RPS6KC1: variants seen among roughly 807,000 people sequenced by gnomAD.
RPS6KC1 encodes inactive ribosomal protein S6 kinase delta-1.
In RPS6KC1, 54 loss-of-function variants were observed where a neutral mutation model predicts 103.8. That is an observed-to-expected ratio of 0.52 (90% CI 0.42 to 0.65). The LOEUF (loss-of-function observed/expected upper bound fraction) is 0.65, where lower values mean the gene tolerates loss of function less well. Ranked by LOEUF, RPS6KC1 falls within the 30% of genes least tolerant of loss-of-function variation. The probability of loss-of-function intolerance (pLI) is 0.00; values close to 1 mark genes in which losing one functional copy is unlikely to be tolerated. For missense variants in RPS6KC1, 1,151 were observed against 1,253.8 expected (o/e 0.92, Z 1.24); for synonymous variants, 439 against 438.7 (o/e 1.00, Z -0.01).
chr1:213,602,120 CTCTTTCTTTCTT>C, the RPS6KC1 span, among the ~76,000 whole-genome samples: 3 of 5,152 alleles, frequency 5.8e-4, no homozygotes, highest in Non-Finnish European at 7.5e-4. Flanking sequence ...TTCTTTCTTT[CTCTTTCTTTCTT>C]TCTTTCTTTC....
the RPS6KC1 span, among the ~76,000 whole-genome samples, chr1:213,609,128 C>T: frequency 6.6e-6 from 1 of 152,216 alleles, no homozygotes; most frequent in Non-Finnish European, 1.5e-5. Context: ...AGGTCCATTC[C>T]TAACATTGTC....
chr1:213,056,731 A>G (rs544950664), intron 1 of RPS6KC1, among the ~76,000 whole-genome samples: 18 of 152,300 alleles, frequency 1.2e-4, no homozygotes, highest in African/African-American at 3.8e-4. Context: ...AAATTAGGTT[A>G]GAACACTACA....
At chr1:213,315,522 T>C in the RPS6KC1 span, among the ~76,000 whole-genome samples, 1 of 152,282 alleles carries the variant, frequency 6.6e-6, no homozygotes, top group East Asian at 1.9e-4. Flanking sequence ...ATTTGTTTTT[T>C]AAAATATACA....
At chr1:213,838,200 A>T in the RPS6KC1 span, among the ~76,000 whole-genome samples, 1 of 150,196 alleles carries the variant, frequency 6.7e-6, no homozygotes, top group African/African-American at 2.5e-5. Flanking sequence ...TTAGTGACCT[A>T]TTCAATAGTC....
the RPS6KC1 span, among the ~76,000 whole-genome samples, chr1:213,695,590 T>C: frequency 6.6e-6 from 1 of 152,226 alleles, no homozygotes; most frequent in Non-Finnish European, 1.5e-5. Context: ...TTAAAGAGTT[T>C]TTATCTTCCC....
intron 8 of RPS6KC1, among the ~76,000 whole-genome samples, chr1:213,213,875 TA>T (rs998613608): frequency 3.3e-5 from 5 of 152,184 alleles, no homozygotes; most frequent in Admixed American, 1.3e-4. Context: ...CTATGATTTT[TA>T]AAAAACCATC....
chr1:213,751,620 C>A, the RPS6KC1 span, among the ~76,000 whole-genome samples: 4 of 152,084 alleles, frequency 2.6e-5, no homozygotes, highest in African/African-American at 7.2e-5. Flanking sequence ...AGGTGAGTGC[C>A]CCAGAGGAGA....
the RPS6KC1 span, among the ~76,000 whole-genome samples, chr1:213,378,806 T>C: frequency 1.3e-5 from 2 of 152,206 alleles, no homozygotes; most frequent in Non-Finnish European, 2.9e-5. Context: ...TAGCCCAACA[T>C]GCCCTTCCTC....
At chr1:213,130,020 A>C (rs987924880) in intron 6 of RPS6KC1, 131 bp downstream of exon 6, 2 of 868,244 alleles carry the variant, frequency 2.3e-6, no homozygotes, top group Non-Finnish European at 3.4e-6. Flanking sequence ...GAAGCTTAAA[A>C]GACCTATATA....
At chr1:213,713,522 T>C in the RPS6KC1 span, among the ~76,000 whole-genome samples, 1 of 152,248 alleles carries the variant, frequency 6.6e-6, no homozygotes, top group Non-Finnish European at 1.5e-5. Context: ...GATACTTGTT[T>C]AATGCTTTGA....
chr1:213,127,550 C>A (rs896102964), intron 5 of RPS6KC1, among the ~76,000 whole-genome samples: 3 of 152,110 alleles, frequency 2.0e-5, no homozygotes, highest in Non-Finnish European at 4.4e-5. Flanking sequence ...CATGGGACAC[C>A]ATTTTGCTTG....
chr1:213,151,872 C>CG (rs1252001884), intron 6 of RPS6KC1, among the ~76,000 whole-genome samples: 1 of 119,940 alleles, frequency 8.3e-6, no homozygotes, highest in Admixed American at 7.5e-5. Context: ...GCTGGCCGGG[C>CG]GGGGGGCTGA....
At chr1:213,353,471 T>C in the RPS6KC1 span, among the ~76,000 whole-genome samples, 730 of 152,362 alleles carry the variant, frequency 4.8e-3, 8 homozygotes, top group African/African-American at 0.015. Flanking sequence ...CAGTAGGTGC[T>C]GAAACAGAGA....
the RPS6KC1 span, among the ~76,000 whole-genome samples, chr1:213,438,688 C>T: frequency 1.3e-5 from 2 of 152,054 alleles, no homozygotes; most frequent in African/African-American, 4.8e-5. Flanking sequence ...CTCAGCCTCT[C>T]ATTCTAGTAC....
At chr1:213,403,967 A>G in the RPS6KC1 span, among the ~76,000 whole-genome samples, 1 of 152,004 alleles carries the variant, frequency 6.6e-6, no homozygotes, top group East Asian at 1.9e-4. Flanking sequence ...TGCCATAGGG[A>G]TTGGGGTACA....
chr1:213,214,088 C>A (rs2093591321), intron 8 of RPS6KC1, among the ~76,000 whole-genome samples: 1 of 147,438 alleles, frequency 6.8e-6, no homozygotes, highest in Non-Finnish European at 1.5e-5. Context: ...CATCGCCTCA[C>A]CTGGGAAGCG....
the RPS6KC1 span, among the ~76,000 whole-genome samples, chr1:213,348,581 A>C: frequency 6.6e-6 from 1 of 152,216 alleles, no homozygotes; most frequent in South Asian, 2.1e-4. Flanking sequence ...TTATTAAGTG[A>C]CTGAATTAAC....
At chr1:213,716,677 A>G in the RPS6KC1 span, among the ~76,000 whole-genome samples, 1 of 152,138 alleles carries the variant, frequency 6.6e-6, no homozygotes, top group Non-Finnish European at 1.5e-5. Flanking sequence ...AGTACATTCT[A>G]TATTTTACTA....
chr1:213,450,616 G>A, the RPS6KC1 span, among the ~76,000 whole-genome samples: 1 of 152,064 alleles, frequency 6.6e-6, no homozygotes, highest in Admixed American at 6.5e-5. Flanking sequence ...TTTGTCTCCT[G>A]GAGTCAGGAG....
Sources: gnomAD v4.1 joint callset for allele counts (sites outside exome capture counted in the v4.1 genomes callset) on GRCh38, gnomAD v4.1.1 for gene constraint, MANE v1.5 for transcripts, NCBI Gene and HGNC (gene_info 2026-07-23, HGNC 2026-07-21) for gene names.